THEMIS: variants seen among roughly 807,000 people sequenced by gnomAD.
THEMIS encodes protein THEMIS.
THEMIS carries 37 observed loss-of-function variants against 52.6 expected under a neutral mutation model. The ratio of observed to expected loss-of-function variants is 0.70; its 90% CI spans 0.54 to 0.93. The LOEUF (loss-of-function observed/expected upper bound fraction) is 0.93, where lower values mean the gene tolerates loss of function less well. Among genes scored for constraint, THEMIS ranks in the 40% least tolerant of loss-of-function variants. THEMIS has a pLI of 0.00. For synonymous variants in THEMIS, 292 were observed against 272.7 expected (o/e 1.07, Z -0.70); for missense variants, 808 against 763.1 (o/e 1.06, Z -0.69).
chr6:127,735,771 G>T (rs147528195), intron 4 of THEMIS, among the ~76,000 whole-genome samples: 141 of 152,236 alleles, frequency 9.3e-4, no homozygotes, highest in South Asian at 1.7e-3. Context: ...TTCACACATG[G>T]TCAACTCTGT....
At chr6:127,725,523 A>G (rs1487406343) in intron 4 of THEMIS, among the ~76,000 whole-genome samples, 1 of 152,036 alleles carries the variant, frequency 6.6e-6, no homozygotes, top group Non-Finnish European at 1.5e-5. Context: ...AATTTAGAAG[A>G]TGATCAAGTG....
In THEMIS at chr6:127,813,129, A is replaced by C; in HGVS notation, c.1512T>G (p.Ile504Met). Residue 504 changes from isoleucine (I) to methionine (M), a missense_variant, in exon 4 of 6, where the codon ATT becomes ATG. Ile to Met is a conservative substitution (Grantham distance 10). Transcript: ENST00000368248. ...DFANPTECWE[I>M]PVGRLNMTVQ... Reference sequence around the variant, plus strand: ...CAGTCATATTCAAGCGGCCCACAGGAATTTCCCAGCACTCCGTGGGGTTGG... The same window carrying C: ...CAGTCATATTCAAGCGGCCCACAGGCATTTCCCAGCACTCCGTGGGGTTGG... The C allele has an allele frequency of 1.2e-6, 2 of 1,614,078 alleles. No individual in the cohort carries two copies. Among genetic ancestry groups the C allele is most frequent in the Non-Finnish European group, 1.7e-6 (2 of 1,180,014 alleles).
chr6:127,828,582 A>T (rs1474047128), intron 3 of THEMIS, among the ~76,000 whole-genome samples: 2 of 152,224 alleles, frequency 1.3e-5, no homozygotes, highest in Non-Finnish European at 2.9e-5. Flanking sequence ...AATTCAAGGT[A>T]TTAACACCTT....
upstream of THEMIS, among the ~76,000 whole-genome samples, chr6:127,904,822 A>C (rs1781227665): frequency 6.6e-6 from 1 of 152,088 alleles, no homozygotes; most frequent in East Asian, 1.9e-4. Flanking sequence ...AAAATTCTAG[A>C]GTTAAAAAAT....
intron 5 of THEMIS, among the ~76,000 whole-genome samples, chr6:127,715,973 T>C (rs769048307): frequency 2.0e-5 from 3 of 151,830 alleles, no homozygotes; most frequent in Non-Finnish European, 4.4e-5. Context: ...GGACTCAAAC[T>C]TGGAGTGCCT....
At chr6:127,847,478 T>A (rs1779259089) in intron 2 of THEMIS, among the ~76,000 whole-genome samples, 1 of 152,038 alleles carries the variant, frequency 6.6e-6, no homozygotes, top group Non-Finnish European at 1.5e-5. Context: ...GTAGCACTGC[T>A]TTAAATCAAC....
At chr6:127,777,777 A>T (rs188512228) in intron 4 of THEMIS, among the ~76,000 whole-genome samples, 5 of 152,232 alleles carry the variant, frequency 3.3e-5, no homozygotes, top group Non-Finnish European at 5.9e-5. Flanking sequence ...TTTGTTTATT[A>T]TTTTTAAAAC....
At chr6:127,861,774 ACTCC>A in intron 1 of THEMIS, among the ~76,000 whole-genome samples, 1 of 132,342 alleles carries the variant, frequency 7.6e-6, no homozygotes, top group African/African-American at 3.0e-5. Flanking sequence ...ACACAGTAAG[ACTCC>A]ATCTCAAAAA....
At chr6:127,886,919 T>C (rs1444880965) in intron 1 of THEMIS, among the ~76,000 whole-genome samples, 1 of 152,070 alleles carries the variant, frequency 6.6e-6, no homozygotes, top group Non-Finnish European at 1.5e-5. Context: ...GAGGGTCATC[T>C]TGGGGACCCC....
At chr6:127,884,709 G>A (rs572209160) in intron 1 of THEMIS, among the ~76,000 whole-genome samples, 24 of 152,158 alleles carry the variant, frequency 1.6e-4, no homozygotes, top group South Asian at 4.1e-4. Context: ...TCGTACTGCC[G>A]TAACAAAATA....
At chr6:127,850,661 CACTT>C (rs1188443694) in intron 2 of THEMIS, among the ~76,000 whole-genome samples, 3 of 151,702 alleles carry the variant, frequency 2.0e-5, no homozygotes, top group Admixed American at 6.6e-5. Context: ...CATATTTTCT[CACTT>C]ACAAGTAGGA....
chr6:127,739,570 G>A (rs1775125926), intron 4 of THEMIS, among the ~76,000 whole-genome samples: 1 of 152,170 alleles, frequency 6.6e-6, no homozygotes. Context: ...GAACCCGGGA[G>A]GCGAGCTTAC....
At chr6:127,756,036 C>T (rs146623026) in intron 4 of THEMIS, among the ~76,000 whole-genome samples, 143 of 150,278 alleles carry the variant, frequency 9.5e-4, no homozygotes, top group Non-Finnish European at 1.9e-3. Flanking sequence ...CAAAAAAAAA[C>T]ACAAAAAACA....
intron 4 of THEMIS, among the ~76,000 whole-genome samples, chr6:127,757,299 T>C (rs1201312744): frequency 6.6e-6 from 1 of 152,186 alleles, no homozygotes; most frequent in Non-Finnish European, 1.5e-5. Flanking sequence ...AAATTTTTTC[T>C]TGAATAGACA....
intron 2 of THEMIS, among the ~76,000 whole-genome samples, chr6:127,834,542 T>C (rs1218334357): frequency 1.3e-5 from 2 of 151,680 alleles, no homozygotes; most frequent in Non-Finnish European, 2.9e-5. Flanking sequence ...AAAGAACATG[T>C]CACTGCACTC....
chr6:127,854,967 GTATA>G, intron 2 of THEMIS, 59 bp downstream of exon 2: 1 of 1,432,696 alleles, frequency 7.0e-7, no homozygotes. Context: ...TTTTGGTTGT[GTATA>G]TATACATATT....
In THEMIS at chr6:127,900,824, G is replaced by T. The variant is rs768441556; in HGVS notation, c.91+18C>A. The T allele has an allele frequency of 2.5e-6, 4 of 1,600,158 alleles. No homozygotes were observed. The highest frequency in any genetic ancestry group is 2.2e-5 in the South Asian group (2 of 90,758). On this transcript the variant is annotated intron_variant, in intron 1 of 5. Coordinates refer to ENST00000368248, the MANE Select transcript of THEMIS (RefSeq NM_001010923.3). ...TACAAGAATGTTCTAGCCAGTAAAG[G>T]TATTGGAGAGTGCTTACCTTCAAGA... is the stretch of plus-strand genomic sequence containing the variant.
intron 4 of THEMIS, among the ~76,000 whole-genome samples, chr6:127,801,453 G>T (rs777886562): frequency 6.6e-6 from 1 of 152,166 alleles, no homozygotes; most frequent in Non-Finnish European, 1.5e-5. Flanking sequence ...CCCTTGCCAG[G>T]TGTCTACTGT....
chr6:127,792,180 C>T (rs1257759421), intron 4 of THEMIS, among the ~76,000 whole-genome samples: 3 of 152,192 alleles, frequency 2.0e-5, no homozygotes, highest in Admixed American at 6.5e-5. Flanking sequence ...AGGTGGGCCG[C>T]CGCTGCCATC....
Sources: gnomAD v4.1 joint callset for allele counts (sites outside exome capture counted in the v4.1 genomes callset) on GRCh38, gnomAD v4.1.1 for gene constraint, MANE v1.5 for transcripts, NCBI Gene and HGNC (gene_info 2026-07-23, HGNC 2026-07-21) for gene names.